Variants in ACTR5 observed in about 807,000 individuals in gnomAD.
The protein encoded by ACTR5 is actin related protein 5.
A neutral mutation model predicts 61.2 loss-of-function variants in ACTR5; 43 were observed. The observed-to-expected ratio is 0.70, with a 90% CI of 0.55 to 0.91. The LOEUF is 0.91. ACTR5 is among the 40% of genes least tolerant of loss of function. ACTR5 has a pLI of 0.00. For missense variants in ACTR5, 798 were observed against 782.2 expected (o/e 1.02, Z -0.24); for synonymous variants, 333 against 310.5 (o/e 1.07, Z -0.76).
rs781400177 is a variant in ACTR5, at chr20:38,754,970, G to A, written c.789G>A (p.Trp263Ter). ...AEDYVEELHK[W>*]RCPDYYENNV... ...GTTTCTTTGAAGAATTACACAAATG[G>A]CGGTGTCCTGATTATTATGAGAATA... Residue 263 changes from tryptophan to a stop codon, truncating the protein, a stop_gained, in exon 4 of 9, where the codon TGG (tryptophan) becomes TGA (stop). Transcript: ENST00000243903. LOFTEE classifies it high-confidence loss of function. The A allele has an allele frequency of 3.7e-6, 6 of 1,614,032 alleles. No homozygotes were observed. The highest frequency in any genetic ancestry group is 5.1e-6 in the Non-Finnish European group (6 of 1,179,978).
intron 3 of ACTR5, among the ~76,000 whole-genome samples, chr20:38,754,338 T>C (rs1434525643): frequency 6.6e-6 from 1 of 152,134 alleles, no homozygotes; most frequent in Non-Finnish European, 1.5e-5. Context: ...TAGCTGCTTT[T>C]AGTTGATTGA....
chr20:38,757,125 C>T (rs2084424977), intron 5 of ACTR5, among the ~76,000 whole-genome samples: 1 of 152,026 alleles, frequency 6.6e-6, no homozygotes, highest in Admixed American at 6.6e-5. Flanking sequence ...TGGGGTCTCA[C>T]CAAGTTGTCC....
At chr20:38,768,603 T>C (rs1242262480) in intron 8 of ACTR5, among the ~76,000 whole-genome samples, 1 of 152,144 alleles carries the variant, frequency 6.6e-6, no homozygotes, top group Non-Finnish European at 1.5e-5. Context: ...TGGGGGCTGA[T>C]CACATAGGCA....
chr20:38,763,950 A>C (rs2084470148), intron 5 of ACTR5, among the ~76,000 whole-genome samples: 1 of 152,112 alleles, frequency 6.6e-6, no homozygotes, highest in Admixed American at 6.6e-5. Context: ...GTTTATCCTC[A>C]AGCCTGGAAA....
chr20:38,758,539 CG>C (rs999920435), intron 5 of ACTR5, among the ~76,000 whole-genome samples: 10 of 151,708 alleles, frequency 6.6e-5, no homozygotes, highest in Non-Finnish European at 1.3e-4. Flanking sequence ...CCCAGCTACT[CG>C]GGAGGCTGAG....
chr20:38,750,402 C>G (rs2084379707), intron 2 of ACTR5, among the ~76,000 whole-genome samples, 163 bp downstream of exon 2: 1 of 152,196 alleles, frequency 6.6e-6, no homozygotes, highest in Non-Finnish European at 1.5e-5. Flanking sequence ...GGGTAAGTCC[C>G]TTTGCCCATA....
chr20:38,752,919 C>CT (rs113793312), intron 3 of ACTR5, among the ~76,000 whole-genome samples: 26,281 of 149,936 alleles, frequency 0.18, 2,183 homozygotes, highest in Admixed American at 0.19. Context: ...AAAACTGCAT[C>CT]TTTTTTTTTT....
At chr20:38,768,453 A>G (rs1291114383) in intron 8 of ACTR5, among the ~76,000 whole-genome samples, 1 of 152,148 alleles carries the variant, frequency 6.6e-6, no homozygotes, top group African/African-American at 2.4e-5. Context: ...GAAATCTGGG[A>G]GCAACCAGGT....
intron 5 of ACTR5, among the ~76,000 whole-genome samples, chr20:38,761,298 T>G (rs897014187): frequency 2.6e-5 from 4 of 151,978 alleles, no homozygotes; most frequent in South Asian, 2.1e-4. Flanking sequence ...CAGGTGGAGC[T>G]ATGGGAGGAC....
chr20:38,755,274 GT>G, intron 4 of ACTR5, 100 bp downstream of exon 4: 1 of 1,308,614 alleles, frequency 7.6e-7, no homozygotes, highest in East Asian at 2.5e-5. Flanking sequence ...TGCTTTGACT[GT>G]TTGTCACCTT....
intron 4 of ACTR5, 92 bp downstream of exon 4, chr20:38,755,266 C>A: frequency 7.3e-7 from 1 of 1,361,798 alleles, no homozygotes; most frequent in Non-Finnish European, 9.9e-7. Context: ...CCTTAAGATG[C>A]TTTGACTGTT....
chr20:38,751,997 G>T, intron 2 of ACTR5, 134 bp from the exon 3 acceptor site: 1 of 1,010,670 alleles, frequency 9.9e-7, no homozygotes, highest in Non-Finnish European at 1.4e-6. Flanking sequence ...CGTCCCTTCT[G>T]ACTATCAGGT....
chr20:38,765,487 C>T lies in ACTR5; in HGVS notation c.1262C>T (p.Pro421Leu), dbSNP rs1420064131. The change falls in exon 6 of 9, where the codon CCT becomes CTT. Residue 421 changes from proline to leucine, a missense_variant. Physicochemically the swap from Pro to Leu is moderately conservative, Grantham distance 98. Coordinates refer to ENST00000243903, the MANE Select transcript of ACTR5 (RefSeq NM_024855.4). ...DFDPLFSEET[P>L]GVEKPVTTVQ... ...GATCCCTTGTTTTCAGAGGAAACAC[C>T]TGGAGTGGAGAAGCCGGTCACCACT... is the stretch of plus-strand genomic sequence containing the variant. 1 of 1,614,146 alleles carries T rather than the reference C, an allele frequency of 6.2e-7. No individual in the cohort carries two copies. Among genetic ancestry groups the T allele is most frequent in the Admixed American group, 1.7e-5 (1 of 60,024 alleles).
intron 6 of ACTR5, 27 bp downstream of exon 6, chr20:38,765,545 C>T: frequency 6.4e-7 from 1 of 1,574,326 alleles, no homozygotes; most frequent in East Asian, 2.2e-5. Context: ...CCAGAACATG[C>T]TTATTCTTTG....
In ACTR5 at chr20:38,750,597, GT is replaced by G. The variant is rs2084381033; in HGVS notation, c.605+366del. On this transcript the variant is annotated intron_variant, in intron 2 of 8. Transcript: ENST00000243903. ...ATCGAGACCATCTTTGTGTTCTGGA[GT>G]TTTTTTTGTTTTTTTTTTGTTTTTG... 5.1e-5 allele frequency among the ~76,000 whole-genome samples: 4 copies of G among 78,696 alleles called. 1 individual carries two copies. The highest frequency in any genetic ancestry group is 8.8e-4 in the South Asian group (2 of 2,278). 51.6% of individuals were successfully genotyped at this position (78,696 alleles called of 152,430 possible).
chr20:38,758,303 G>C (rs1365126513), intron 5 of ACTR5, among the ~76,000 whole-genome samples: 1 of 152,098 alleles, frequency 6.6e-6, no homozygotes, highest in Non-Finnish European at 1.5e-5. Flanking sequence ...TGGGTTTAGG[G>C]GATTTTGAAA....
chr20:38,760,165 A>AG (rs1362963473), intron 5 of ACTR5, among the ~76,000 whole-genome samples: 1 of 150,852 alleles, frequency 6.6e-6, no homozygotes, highest in East Asian at 1.9e-4. Flanking sequence ...AAAAAAAAAA[A>AG]GAAAAGGAAG....
intron 1 of ACTR5, among the ~76,000 whole-genome samples, chr20:38,749,616 G>T (rs1369727173): frequency 6.6e-6 from 1 of 152,204 alleles, no homozygotes; most frequent in East Asian, 1.9e-4. Flanking sequence ...TATTACTGCT[G>T]TATGGAGAAT....
In ACTR5 at chr20:38,750,208, T is replaced by C. The variant is rs1250756369; in HGVS notation, c.574T>C (p.Cys192Arg). The change falls in exon 2 of 9, where the codon TGT becomes CGT. Residue 192 changes from cysteine to arginine, a missense_variant. By Grantham distance (180) the Cys-to-Arg change is radical. Transcript: ENST00000243903. ...GCTAATCATTTCATCTGGATACCAGTGTACGCATGTTTTACCCATCTTAGA... is the reference window on the plus strand; with the variant it reads ...GCTAATCATTTCATCTGGATACCAGCGTACGCATGTTTTACCCATCTTAGA... ...SGLIISSGYQ[C>R]THVLPILEGR... The C allele has an allele frequency of 6.2e-7, 1 of 1,614,070 alleles. No individual in the cohort carries two copies. The highest frequency in any genetic ancestry group is 1.3e-5 in the African/African-American group (1 of 74,944).
Sources: gnomAD v4.1 joint callset for allele counts (sites outside exome capture counted in the v4.1 genomes callset) on GRCh38, gnomAD v4.1.1 for gene constraint, MANE v1.5 for transcripts, NCBI Gene and HGNC (gene_info 2026-07-23, HGNC 2026-07-21) for gene names.